Variants in TNFRSF10B observed in about 807,000 individuals in gnomAD.
The protein encoded by TNFRSF10B is tumor necrosis factor receptor superfamily member 10B.
A neutral mutation model predicts 41.4 loss-of-function variants in TNFRSF10B; 35 were observed. That is an observed-to-expected ratio of 0.85 (90% CI 0.65 to 1.12). The LOEUF (loss-of-function observed/expected upper bound fraction) is 1.12. TNFRSF10B is among the 50% of genes most tolerant of loss of function. The pLI is 0.00. For synonymous variants in TNFRSF10B, 230 were observed against 215.5 expected, an observed-to-expected ratio of 1.07 and a Z score of -0.59; for missense variants, 584 against 552.7, an observed-to-expected ratio of 1.06 and a Z score of -0.57.
intron 7 of TNFRSF10B, among the ~76,000 whole-genome samples, chr8:23,024,878 A>G (rs1031959932): frequency 2.0e-5 from 3 of 151,712 alleles, no homozygotes; most frequent in African/African-American, 7.3e-5. Context: ...ATGGTGGCTC[A>G]CACCTGTAAT....
intron 2 of TNFRSF10B, among the ~76,000 whole-genome samples, chr8:23,034,456 G>A (rs1031312899): frequency 1.6e-4 from 25 of 152,206 alleles, no homozygotes; most frequent in African/African-American, 5.8e-4. Context: ...GATGGGCATG[G>A]TGGCTCATGT....
At chr8:23,027,385 C>T in intron 6 of TNFRSF10B, 97 bp from the exon 7 acceptor site, 1 of 1,480,206 alleles carries the variant, frequency 6.8e-7, no homozygotes, top group South Asian at 1.2e-5. Flanking sequence ...CTGACATCCC[C>T]ACCCCCTCTC....
At position 23,028,539 on chromosome 8, in the gene TNFRSF10B, G is replaced by A; in HGVS notation, c.540C>T (p.His180=). The part of the protein sequence containing the change: ...CTPWSDIECV[H]KESGTKHSGE... The stretch of plus-strand genomic sequence containing the variant: ...CACTGTGCTTTGTACCTGATTCTTT[G>A]TGGACACATTCGATGTCACTCCAGG... Residue 180 remains histidine (H), a synonymous_variant, in exon 5 of 9, where the codon CAC becomes CAT. Coordinates refer to ENST00000276431, the MANE Select transcript of TNFRSF10B (RefSeq NM_003842.5). The A allele has an allele frequency of 6.2e-7, 1 of 1,614,058 alleles. No individual in the cohort carries two copies. The highest frequency in any genetic ancestry group is 1.1e-5 in the South Asian group (1 of 91,076).
At chr8:23,058,283 TAA>T (rs1812727596) in intron 1 of TNFRSF10B, among the ~76,000 whole-genome samples, 1 of 152,180 alleles carries the variant, frequency 6.6e-6, no homozygotes, top group South Asian at 2.1e-4. Flanking sequence ...ATTATGTAGT[TAA>T]GTCTTGCTTT....
intron 8 of TNFRSF10B, 39 bp from the exon 9 acceptor site, chr8:23,023,023 G>A: frequency 6.2e-7 from 1 of 1,601,098 alleles, no homozygotes; most frequent in Non-Finnish European, 8.5e-7. Flanking sequence ...GGTGAGTTGG[G>A]ACTCAGAAAG....
At chr8:23,025,553 G>A (rs1811676767) in intron 7 of TNFRSF10B, among the ~76,000 whole-genome samples, 2 of 152,126 alleles carry the variant, frequency 1.3e-5, no homozygotes. Context: ...TTTGTTTGGT[G>A]TTGTACATGA....
intron 1 of TNFRSF10B, among the ~76,000 whole-genome samples, chr8:23,043,883 C>T (rs1486796901): frequency 6.6e-6 from 1 of 152,166 alleles, no homozygotes; most frequent in Non-Finnish European, 1.5e-5. Flanking sequence ...GATGGTGTAT[C>T]CTATGACACA....
At chr8:23,025,690 G>A (rs1417301410) in intron 7 of TNFRSF10B, among the ~76,000 whole-genome samples, 1 of 152,152 alleles carries the variant, frequency 6.6e-6, no homozygotes, top group Non-Finnish European at 1.5e-5. Context: ...AATAAGAAGG[G>A]CCAAAAGGCT....
chr8:23,026,932 G>A (rs765419050), intron 7 of TNFRSF10B, among the ~76,000 whole-genome samples: 1 of 152,150 alleles, frequency 6.6e-6, no homozygotes, highest in African/African-American at 2.4e-5. Flanking sequence ...GCAAGGACAG[G>A]ACAGGGAGTA....
Position 23,021,873 on chromosome 8 carries a change from GT to G in TNFRSF10B, c.*797del, listed in dbSNP as rs1021792457. On this transcript the variant is annotated 3_prime_UTR_variant, in exon 9 of 9. Transcript: ENST00000276431. Reference sequence around the variant, plus strand: ...CCCATTGTATGTCTCCTCCTTTTATGTTTATCTAATCTATTCACATAACTAT... The same window carrying G: ...CCCATTGTATGTCTCCTCCTTTTATGTTATCTAATCTATTCACATAACTAT... 6 of 453,950 alleles carry G rather than the reference GT, an allele frequency of 1.3e-5. No homozygotes were observed. The highest frequency in any genetic ancestry group is 1.2e-4 in the African/African-American group (6 of 49,988). The allele number at this position is 453,950 out of a possible 1,614,324, so 28.1% of individuals were successfully genotyped here. A position where few individuals can be genotyped will look rare whatever the true frequency, so the allele number is the denominator to read the frequency against.
intron 2 of TNFRSF10B, among the ~76,000 whole-genome samples, chr8:23,031,375 C>CTATTTATTTATTTATTTATTTATTTATT (rs61141147): frequency 1.4e-5 from 2 of 140,484 alleles, no homozygotes; most frequent in Admixed American, 1.4e-4. Context: ...TGCACCCGGC[C>CTATTTATTTATTTATTTATTTATTTATT]TATTTATTTA....
intron 1 of TNFRSF10B, among the ~76,000 whole-genome samples, chr8:23,053,038 G>A (rs149581371): frequency 1.3e-5 from 2 of 152,354 alleles, no homozygotes; most frequent in African/African-American, 4.8e-5. Context: ...GAGATTGTCT[G>A]TGTAAGTTGT....
intron 1 of TNFRSF10B, 56 bp downstream of exon 1, chr8:23,068,695 C>T: frequency 6.5e-7 from 1 of 1,541,692 alleles, no homozygotes; most frequent in South Asian, 1.2e-5. Context: ...CTCTCCCTGC[C>T]CTCTCCAGGC....
chr8:23,024,652 T>C (rs1383788752), intron 7 of TNFRSF10B, among the ~76,000 whole-genome samples: 1 of 152,104 alleles, frequency 6.6e-6, no homozygotes, highest in East Asian at 1.9e-4. Context: ...CCCAAGTAGC[T>C]GGGATTACAG....
At chr8:23,043,290 C>A (rs754573842) in intron 1 of TNFRSF10B, 47 bp from the exon 2 acceptor site, 4 of 1,496,994 alleles carry the variant, frequency 2.7e-6, no homozygotes, top group East Asian at 2.3e-5. Context: ...CCAGACCTCA[C>A]CCCTCCCAGG....
chr8:23,026,267 T>G (rs1310651977), intron 7 of TNFRSF10B, among the ~76,000 whole-genome samples: 1 of 30,404 alleles, frequency 3.3e-5, no homozygotes, highest in Non-Finnish European at 9.7e-5. Context: ...TAAGATCTAG[T>G]TTTTTTTTGT....
chr8:23,062,088 A>C (rs1368702580), intron 1 of TNFRSF10B, among the ~76,000 whole-genome samples: 1 of 152,164 alleles, frequency 6.6e-6, no homozygotes, highest in Admixed American at 6.5e-5. Flanking sequence ...TTTTTGAAAG[A>C]GTTTGAGAAG....
intron 1 of TNFRSF10B, among the ~76,000 whole-genome samples, chr8:23,052,233 T>C (rs1235585232): frequency 6.6e-6 from 1 of 151,964 alleles, no homozygotes; most frequent in Non-Finnish European, 1.5e-5. Flanking sequence ...CTAATAAAAA[T>C]ATATCGTAGG....
intron 1 of TNFRSF10B, among the ~76,000 whole-genome samples, chr8:23,047,132 T>C (rs540739845): frequency 6.6e-6 from 1 of 152,206 alleles, no homozygotes; most frequent in South Asian, 2.1e-4. Flanking sequence ...AAGAAGTTTC[T>C]GCGGAACCTG....
Sources: allele counts gnomAD v4.1 joint callset (sites outside exome capture counted in the v4.1 genomes callset), GRCh38; gene constraint gnomAD v4.1.1; transcripts MANE v1.5; gene names NCBI Gene and HGNC (gene_info 2026-07-23, HGNC 2026-07-21).